SNX13: variants seen among roughly 807,000 people sequenced by gnomAD.
SNX13 encodes sorting nexin 13.
Under a neutral mutation model 133.6 loss-of-function variants are expected in SNX13, and 45 were observed. The ratio of observed to expected loss-of-function variants is 0.34; its 90% confidence interval spans 0.27 to 0.43. SNX13 has a LOEUF of 0.43. Ranked by LOEUF, SNX13 falls within the 20% of genes least tolerant of loss-of-function variation. SNX13 has a pLI of 1.00. For synonymous variants in SNX13, 414 were observed against 373.9 expected, an observed-to-expected ratio of 1.11 and a Z score of -1.24; for missense variants, 1,032 against 1,145.1, an observed-to-expected ratio of 0.90 and a Z score of 1.43.
intron 5 of SNX13, among the ~76,000 whole-genome samples, chr7:17,878,158 T>C (rs923532058): frequency 6.6e-6 from 1 of 152,128 alleles, no homozygotes; most frequent in South Asian, 2.1e-4. Context: ...GAGCTCTTAG[T>C]ATCAATTATT....
At chr7:17,829,842 G>A (rs1193698898) in intron 16 of SNX13, among the ~76,000 whole-genome samples, 168 bp downstream of exon 16, 1 of 151,096 alleles carries the variant, frequency 6.6e-6, no homozygotes, top group African/African-American at 2.4e-5. Flanking sequence ...CTAATTCATA[G>A]ATGCCTTATA....
intron 9 of SNX13, among the ~76,000 whole-genome samples, chr7:17,852,201 C>G (rs146577452): frequency 0.017 from 2,565 of 152,236 alleles, 71 homozygotes; most frequent in African/African-American, 0.059. Context: ...TGGTGAAACC[C>G]CGTCTCTACT....
chr7:17,816,864 T>A (rs1786720733), intron 18 of SNX13, among the ~76,000 whole-genome samples: 1 of 152,168 alleles, frequency 6.6e-6, no homozygotes, highest in Non-Finnish European at 1.5e-5. Flanking sequence ...CTATGTGGGG[T>A]TTCATTTAAT....
At chr7:17,895,377 C>A (rs943379080) in intron 2 of SNX13, among the ~76,000 whole-genome samples, 1 of 152,044 alleles carries the variant, frequency 6.6e-6, no homozygotes, top group Admixed American at 6.6e-5. Context: ...CGAAAAATCC[C>A]CAAGTGTTTT....
intron 9 of SNX13, among the ~76,000 whole-genome samples, chr7:17,867,209 T>C (rs376584207): frequency 1.3e-5 from 2 of 152,264 alleles, no homozygotes. Flanking sequence ...AAGAATCAAG[T>C]TCCATGGTCT....
chr7:17,921,782 A>T (rs1800153849), intron 1 of SNX13, among the ~76,000 whole-genome samples: 2 of 152,256 alleles, frequency 1.3e-5, no homozygotes, highest in South Asian at 4.1e-4. Context: ...ATATAAGAGC[A>T]TTGTTAGTTT....
chr7:17,876,321 C>T (rs1370491412), intron 5 of SNX13, among the ~76,000 whole-genome samples: 1 of 152,200 alleles, frequency 6.6e-6, no homozygotes, highest in Non-Finnish European at 1.5e-5. Flanking sequence ...TGGCTCACGC[C>T]TATAATCCCA....
intron 20 of SNX13, among the ~76,000 whole-genome samples, chr7:17,808,705 G>A (rs1230603199): frequency 1.3e-5 from 2 of 152,148 alleles, no homozygotes; most frequent in Non-Finnish European, 2.9e-5. Flanking sequence ...CAGCCAGAGA[G>A]AAAGGTCAGG....
At chr7:17,856,904 A>G (rs1265668660) in intron 9 of SNX13, among the ~76,000 whole-genome samples, 1 of 151,980 alleles carries the variant, frequency 6.6e-6, no homozygotes, top group Non-Finnish European at 1.5e-5. Context: ...ATTTATAACA[A>G]AAATAAATGA....
At chr7:17,902,353 A>G (rs894928744) in intron 1 of SNX13, among the ~76,000 whole-genome samples, 1 of 151,832 alleles carries the variant, frequency 6.6e-6, no homozygotes, top group African/African-American at 2.4e-5. Context: ...TAATCAAGCA[A>G]GTGCAGTGCT....
intron 1 of SNX13, among the ~76,000 whole-genome samples, chr7:17,917,361 A>C (rs1799675352): frequency 6.6e-6 from 1 of 152,318 alleles, no homozygotes; most frequent in African/African-American, 2.4e-5. Flanking sequence ...AAAAAGAAGA[A>C]GTCAAATAAT....
intron 25 of SNX13, chr7:17,795,618 T>C (rs1188258680): frequency 6.6e-6 from 1 of 151,690 alleles, no homozygotes; most frequent in Non-Finnish European, 1.5e-5. Context: ...ATTTATTTGT[T>C]CTGTGTGTTT....
At chr7:17,830,739 A>C (rs1332924503) in intron 15 of SNX13, 1 of 977,728 alleles carries the variant, frequency 1.0e-6, no homozygotes, top group African/African-American at 1.8e-5. Context: ...TAAGAAAATT[A>C]AGTTACCAAT....
intron 20 of SNX13, among the ~76,000 whole-genome samples, chr7:17,813,587 CTTTTT>C (rs1013139810): frequency 2.2e-5 from 3 of 138,432 alleles, no homozygotes; most frequent in East Asian, 2.1e-4. Context: ...ATATGAACTC[CTTTTT>C]TTTTTTTTTT....
intron 1 of SNX13, among the ~76,000 whole-genome samples, chr7:17,910,469 T>C (rs1193709223): frequency 2.0e-5 from 3 of 152,300 alleles, no homozygotes; most frequent in East Asian, 3.9e-4. Flanking sequence ...AATGGAGGTA[T>C]GTACAATGGT....
chr7:17,813,801 G>T (rs181273837), intron 20 of SNX13, among the ~76,000 whole-genome samples: 83 of 152,034 alleles, frequency 5.5e-4, no homozygotes, highest in African/African-American at 2.0e-3. Context: ...ACCAGGGTTA[G>T]TCTTGAACTC....
intron 13 of SNX13, among the ~76,000 whole-genome samples, chr7:17,835,403 T>C (rs1361494839): frequency 6.6e-6 from 1 of 151,922 alleles, no homozygotes; most frequent in Non-Finnish European, 1.5e-5. Flanking sequence ...GTTTTATAAC[T>C]AATGCTGCAG....
At chr7:17,895,141 T>A (rs920960311) in intron 2 of SNX13, among the ~76,000 whole-genome samples, 1 of 152,180 alleles carries the variant, frequency 6.6e-6, no homozygotes, top group Non-Finnish European at 1.5e-5. Flanking sequence ...AGAAACAGAC[T>A]GATAAGACAT....
chr7:17,928,448 A>G (rs957779135), intron 1 of SNX13, among the ~76,000 whole-genome samples: 2 of 152,230 alleles, frequency 1.3e-5, no homozygotes, highest in African/African-American at 2.4e-5. Flanking sequence ...GATTTAAGAA[A>G]TAACAGCTAA....
Sources: allele counts gnomAD v4.1 joint callset (sites outside exome capture counted in the v4.1 genomes callset), GRCh38; gene constraint gnomAD v4.1.1; transcripts MANE v1.5; gene names NCBI Gene and HGNC (gene_info 2026-07-23, HGNC 2026-07-21).